Variants in CD163 observed in about 807,000 individuals in gnomAD.
The protein encoded by CD163 is CD163 molecule, also known as scavenger receptor cysteine-rich type 1 protein M130.
In CD163, 64 loss-of-function variants were observed where a neutral mutation model predicts 129.2. That is an observed-to-expected ratio of 0.50 (90% confidence interval 0.41 to 0.61). CD163 has a LOEUF of 0.61. CD163 is among the 20% of genes least tolerant of loss of function. CD163 has a pLI of 0.00. For synonymous variants in CD163, 446 were observed against 478.5 expected (o/e 0.93, Z 0.89); for missense variants, 1,061 against 1,377.9 (o/e 0.77, Z 3.64).
At chr12:7,479,742 A>G in intron 16 of CD163, 118 bp downstream of exon 16, 1 of 1,004,742 alleles carries the variant, frequency 1.0e-6, no homozygotes. Flanking sequence ...AAACATATGC[A>G]CATAAGCAAA....
rs1285671646 is a variant in CD163, at chr12:7,496,427, G to A, written c.1099+386C>T. Among the ~76,000 whole-genome samples the A allele has an allele frequency of 1.3e-5, 2 of 151,988 alleles. No individual in the cohort carries two copies. The highest frequency in any genetic ancestry group is 3.9e-4 in the East Asian group (2 of 5,180). Reference sequence around the variant, plus strand: ...GTTGATACGTGAAGCAGACCACCATGGAACATGTTTACCCATGTAACAAAC... The same window carrying A: ...GTTGATACGTGAAGCAGACCACCATAGAACATGTTTACCCATGTAACAAAC... On this transcript the variant is annotated intron_variant, in intron 5 of 16. Transcript: ENST00000432237. The surrounding 1 kb of genome is among the most constrained non-coding windows in gnomAD (Gnocchi z 4.8).
chr12:7,497,236 T>A, intron 4 of CD163, 103 bp from the exon 5 acceptor site: 7 of 933,434 alleles, frequency 7.5e-6, no homozygotes, highest in Non-Finnish European at 9.9e-6. Flanking sequence ...GAGATATAAG[T>A]GGAGACAGAG....
intron 6 of CD163, 81 bp from the exon 7 acceptor site, chr12:7,488,168 G>T: frequency 7.0e-7 from 1 of 1,420,828 alleles, no homozygotes; most frequent in Non-Finnish European, 9.4e-7. Context: ...AAGGTGGTGT[G>T]GAGTGGGAAA....
In CD163 at chr12:7,501,402, TC is replaced by T. The variant is rs774597277; in HGVS notation, c.193del (p.Glu65LysfsTer2). ...TCCCCACTCCTCCTGGACTTTCACT[TC>T]CACTCTCCCGCTACACTTGTTTTCA... is the stretch of plus-strand genomic sequence containing the variant. ...DGENKCSGRVEVKVQEEWGTV... is the reference protein window; with the variant it reads ...DGENKCSGRVXVKVQEEWGTV... On this transcript the variant is annotated frameshift_variant, in exon 3 of 17. Coordinates refer to ENST00000432237, the MANE Select transcript of CD163 (RefSeq NM_203416.4). LOFTEE classifies it high-confidence loss of function. The T allele has an allele frequency of 5.6e-6, 9 of 1,614,020 alleles. No homozygotes were observed. The highest frequency in any genetic ancestry group is 7.6e-6 in the Non-Finnish European group (9 of 1,179,982).
chr12:7,475,097 CA>C (rs58901449), intron 16 of CD163, among the ~76,000 whole-genome samples: 1,135 of 93,952 alleles, frequency 0.012, 15 homozygotes, highest in African/African-American at 0.043. Context: ...GCCTACCAAC[CA>C]AAAAAAAAAA....
intron 6 of CD163, among the ~76,000 whole-genome samples, chr12:7,491,370 T>C (rs768595405): frequency 6.6e-6 from 1 of 152,066 alleles, no homozygotes; most frequent in East Asian, 1.9e-4. Flanking sequence ...GCTTTGCTTA[T>C]ATCGTTACTC....
intron 16 of CD163, among the ~76,000 whole-genome samples, chr12:7,478,144 C>A (rs927690410): frequency 3.3e-5 from 5 of 152,096 alleles, no homozygotes; most frequent in African/African-American, 1.2e-4. Flanking sequence ...AACAACATGG[C>A]AGAAAGGAAT....
chr12:7,482,714 AC>A lies in CD163; in HGVS notation c.3175del (p.Val1059LeufsTer13). ...SSFIAVGILG[V>X]VLLAIFVALF... ...TGCGACGAAAATGGCCAACAGAACA[AC>A]CCCAAGGATCCCGACTGCAATAAAG... On this transcript the variant is annotated frameshift_variant, in exon 14 of 17. Transcript: ENST00000432237. LOFTEE classifies it high-confidence loss of function. 1.2e-6 allele frequency: 2 copies of A among 1,614,156 alleles called. No individual in the cohort carries two copies. Among genetic ancestry groups the A allele is most frequent in the Middle Eastern group, 1.7e-4 (1 of 6,060 alleles).
intron 6 of CD163, among the ~76,000 whole-genome samples, chr12:7,490,593 AT>A (rs1448630720): frequency 5.3e-5 from 8 of 151,996 alleles, no homozygotes; most frequent in Non-Finnish European, 8.8e-5. Context: ...AATTTTTGTA[AT>A]CTCTTGATGT....
intron 4 of CD163, among the ~76,000 whole-genome samples, chr12:7,498,124 TACACACACAC>T (rs571405606): frequency 1.3e-5 from 2 of 148,744 alleles, no homozygotes; most frequent in East Asian, 2.0e-4. Flanking sequence ...TTCCTTTATT[TACACACACAC>T]ACACACACAC....
At chr12:7,501,098 C>G in intron 3 of CD163, 41 bp downstream of exon 3, 1 of 1,566,764 alleles carries the variant, frequency 6.4e-7, no homozygotes. Flanking sequence ...TTTTTCCCAC[C>G]AAGGATTTTG....
In CD163 at chr12:7,485,384, T is replaced by C; in HGVS notation, c.2491A>G (p.Ser831Gly). The C allele has an allele frequency of 2.5e-6, 4 of 1,614,154 alleles. No individual in the cohort carries two copies. Among genetic ancestry groups the C allele is most frequent in the Non-Finnish European group, 2.5e-6 (3 of 1,179,980 alleles). ...AGACGCCCTGCACAGGCCTCTCTGC[T>C]GGCTTCACTGGTCAGTCTCAGAGAC... is the stretch of plus-strand genomic sequence containing the variant. ...FMSLRLTSEA[S>G]REACAGRLEV... The change falls in exon 11 of 17, where the codon AGC becomes GGC. Residue 831 changes from serine (S) to glycine (G), a missense_variant. Transcript: ENST00000432237. This position sits in a 1 kb window ranked among gnomAD's most constrained non-coding sequence, Gnocchi z 4.5.
intron 1 of CD163, chr12:7,502,780 G>T (rs1949512400): frequency 1.7e-6 from 1 of 588,276 alleles, no homozygotes; most frequent in Non-Finnish European, 3.0e-6. Flanking sequence ...CAACCTAGAG[G>T]TGACGGATTA....
At chr12:7,482,562 T>C in intron 14 of CD163, 81 bp downstream of exon 14, 1 of 1,482,056 alleles carries the variant, frequency 6.7e-7, no homozygotes, top group Non-Finnish European at 9.2e-7. Flanking sequence ...TTCTGGCCAT[T>C]AGACTTGAGT....
chr12:7,485,376 C>G lies in CD163; in HGVS notation c.2499G>C (p.Glu833Asp). The G allele has an allele frequency of 6.2e-7, 1 of 1,614,188 alleles. No individual in the cohort carries two copies. The highest frequency in any genetic ancestry group is 8.5e-7 in the Non-Finnish European group (1 of 1,180,016). ...SLRLTSEASR[E>D]ACAGRLEVFY... Reference sequence around the variant, plus strand: ...AAACTTCCAGACGCCCTGCACAGGCCTCTCTGCTGGCTTCACTGGTCAGTC... The same window carrying G: ...AAACTTCCAGACGCCCTGCACAGGCGTCTCTGCTGGCTTCACTGGTCAGTC... Residue 833 changes from glutamate (E) to aspartate (D), a missense_variant, in exon 11 of 17, where the codon GAG becomes GAC. By Grantham distance (45) the Glu-to-Asp change is conservative. Transcript: ENST00000432237. The surrounding 1 kb of genome is among the most constrained non-coding windows in gnomAD (Gnocchi z 4.5).
At chr12:7,503,034 CA>C (rs1949516198) in intron 1 of CD163, among the ~76,000 whole-genome samples, 1 of 152,156 alleles carries the variant, frequency 6.6e-6, no homozygotes, top group Non-Finnish European at 1.5e-5. Flanking sequence ...CTATCATGTT[CA>C]CCATAATTTC....
At position 7,495,369 on chromosome 12, in the gene CD163, C is replaced by T. The variant is rs1200794160; in HGVS notation, c.1132G>A (p.Gly378Arg). The change falls in exon 6 of 17, where the codon GGA becomes AGA. Residue 378 changes from glycine to arginine, a missense_variant. Coordinates refer to ENST00000432237, the MANE Select transcript of CD163 (RefSeq NM_203416.4). ...GSDLELRLRG[G>R]GSRCAGTVEV... ...ACTGTCCCAGCACAGCGGCTGCCTC[C>T]ACCTCTAAGTCTTAGCTCCAGATCT... 15 of 1,614,144 alleles carry T rather than the reference C, an allele frequency of 9.3e-6. No homozygotes were observed. The highest frequency in any genetic ancestry group is 1.3e-5 in the Non-Finnish European group (15 of 1,179,998).
chr12:7,489,846 G>T (rs897747502), intron 6 of CD163, among the ~76,000 whole-genome samples: 2 of 151,950 alleles, frequency 1.3e-5, no homozygotes, highest in African/African-American at 4.8e-5. Flanking sequence ...AAAATAGTAT[G>T]CTGTTACCTT....
intron 6 of CD163, among the ~76,000 whole-genome samples, chr12:7,494,201 C>T (rs887040412): frequency 6.6e-6 from 1 of 152,188 alleles, no homozygotes; most frequent in Non-Finnish European, 1.5e-5. Flanking sequence ...GAAGAGTTTA[C>T]ACTTTTTTAT....
Sources: allele counts gnomAD v4.1 joint callset (sites outside exome capture counted in the v4.1 genomes callset), GRCh38; gene constraint gnomAD v4.1.1; non-coding constraint Gnocchi (gnomAD v3.1); transcripts MANE v1.5; gene names NCBI Gene and HGNC (gene_info 2026-07-23, HGNC 2026-07-21).